SH3KBP1: variants seen among roughly 807,000 people sequenced by gnomAD.
SH3KBP1 encodes the protein SH3 domain containing kinase binding protein 1.
SH3KBP1 carries 8 observed loss-of-function variants against 50.1 expected under a neutral mutation model. The ratio of observed to expected loss-of-function variants is 0.16; its 90% CI spans 0.09 to 0.29. SH3KBP1 has a LOEUF of 0.29. SH3KBP1 is among the 10% of genes least tolerant of loss of function. SH3KBP1 has a pLI of 1.00. For synonymous variants in SH3KBP1, 227 were observed against 218.6 expected (o/e 1.04, Z -0.34); for missense variants, 377 against 535.2 (o/e 0.70, Z 2.92).
rs2064658987 is a variant in SH3KBP1, at chrX:19,534,339, T to C, written c.*2078A>G. On this transcript the variant is annotated 3_prime_UTR_variant, in exon 18 of 18. Coordinates refer to ENST00000397821, the MANE Select transcript of SH3KBP1 (RefSeq NM_031892.3). ...TTATACAAAGGAAGCCAATGGCCTC[T>C]ATGAGGGGGAAGACATCAGCTCTCT... The C allele has an allele frequency of 1.8e-5, 2 of 110,814 alleles. 1 individual carries two copies. Among genetic ancestry groups the C allele is most frequent in the Admixed American group, 1.9e-4 (2 of 10,309 alleles). 9.1% of individuals were successfully genotyped at this position (110,814 alleles called of 1,213,427 possible).
At chrX:19,707,440 T>C (rs2063674396) in intron 3 of SH3KBP1, among the ~76,000 whole-genome samples, 1 of 111,972 alleles carries the variant, frequency 8.9e-6, no homozygotes, top group East Asian at 2.8e-4. Flanking sequence ...CCTGGCCTTT[T>C]TCTTACTAAT....
intron 7 of SH3KBP1, among the ~76,000 whole-genome samples, chrX:19,643,245 C>T (rs780642363): frequency 2.8e-5 from 3 of 108,446 alleles, no homozygotes; most frequent in East Asian, 5.7e-4. Context: ...AGAACAATTA[C>T]CCCAGAATTT....
intron 13 of SH3KBP1, among the ~76,000 whole-genome samples, chrX:19,554,166 ATATATATCATATTAAAATATAATAT>A (rs1555983293): frequency 3.0e-4 from 17 of 55,975 alleles, no homozygotes; most frequent in South Asian, 1.3e-3. Context: ...TTAAAATATA[ATATATATCATATTAAAATATAATAT>A]TATATATCAT....
chrX:19,601,972 C>T (rs1224092087), intron 9 of SH3KBP1, among the ~76,000 whole-genome samples: 1 of 111,078 alleles, frequency 9.0e-6, no homozygotes, highest in Non-Finnish European at 1.9e-5. Context: ...CATCATCTCC[C>T]ATTCAGACTG....
intron 1 of SH3KBP1, among the ~76,000 whole-genome samples, chrX:19,854,594 G>C (rs1483790133): frequency 9.0e-6 from 1 of 111,601 alleles, no homozygotes; most frequent in Non-Finnish European, 1.9e-5. Context: ...GATATTATGG[G>C]TTTGAGGAAG....
At chrX:19,622,251 G>A (rs1170448189) in intron 8 of SH3KBP1, among the ~76,000 whole-genome samples, 1 of 112,036 alleles carries the variant, frequency 8.9e-6, no homozygotes. Flanking sequence ...TTCAAGCTCG[G>A]TAATCATTTT....
chrX:19,832,963 C>T (rs1390729082), intron 2 of SH3KBP1, among the ~76,000 whole-genome samples: 1 of 112,541 alleles, frequency 8.9e-6, no homozygotes, highest in East Asian at 2.8e-4. Context: ...TGAGCAAATT[C>T]CATAGGCTTT....
chrX:19,818,623 T>A (rs372472553), intron 2 of SH3KBP1, among the ~76,000 whole-genome samples: 1 of 111,673 alleles, frequency 9.0e-6, no homozygotes, highest in African/African-American at 3.3e-5. Context: ...AGAGTTTTTA[T>A]CATGAATGGC....
intron 14 of SH3KBP1, among the ~76,000 whole-genome samples, chrX:19,547,155 G>GAA (rs150244509): frequency 2.0e-4 from 20 of 99,592 alleles, no homozygotes; most frequent in African/African-American, 4.8e-4. Context: ...ACCCTGTCTG[G>GAA]AAAAAAAAAA....
chrX:19,673,065 C>CAAAAAAAA (rs1174045446), intron 6 of SH3KBP1, among the ~76,000 whole-genome samples: 3 of 37,326 alleles, frequency 8.0e-5, no homozygotes, highest in Non-Finnish European at 1.5e-4. Flanking sequence ...GATTCTGTCT[C>CAAAAAAAA]AAAAAAAAAA....
intron 2 of SH3KBP1, among the ~76,000 whole-genome samples, chrX:19,818,634 G>A (rs772686973): frequency 9.0e-5 from 10 of 111,434 alleles, no homozygotes; most frequent in South Asian, 3.8e-4. Flanking sequence ...CATGAATGGC[G>A]TTGAATTTTG....
intron 3 of SH3KBP1, 63 bp from the exon 4 acceptor site, chrX:19,707,047 G>A: frequency 2.1e-6 from 2 of 949,531 alleles, no homozygotes; most frequent in Non-Finnish European, 3.0e-6. Context: ...TTTAAAGAGA[G>A]GCTTCCTAGG....
At chrX:19,696,762 G>A (rs1372609048) in intron 4 of SH3KBP1, among the ~76,000 whole-genome samples, 1 of 111,909 alleles carries the variant, frequency 8.9e-6, no homozygotes, top group Non-Finnish European at 1.9e-5. Context: ...AAACAAGCAA[G>A]TATTAAGTTA....
chrX:19,807,532 A>G (rs781572648), intron 2 of SH3KBP1, among the ~76,000 whole-genome samples: 1 of 109,732 alleles, frequency 9.1e-6, no homozygotes, highest in Non-Finnish European at 1.9e-5. Flanking sequence ...CAGCCCACAC[A>G]CTCCACCAGC....
At chrX:19,836,581 A>C (rs2072308620) in intron 1 of SH3KBP1, among the ~76,000 whole-genome samples, 1 of 111,740 alleles carries the variant, frequency 8.9e-6, no homozygotes, top group Non-Finnish European at 1.9e-5. Flanking sequence ...TGCCCCACCC[A>C]GAGGGTGTCC....
At chrX:19,592,891 G>A (rs887934284) in intron 10 of SH3KBP1, among the ~76,000 whole-genome samples, 39 of 112,232 alleles carry the variant, frequency 3.5e-4, no homozygotes, top group Middle Eastern at 4.2e-3. Flanking sequence ...CATCTTCAAA[G>A]TGGATCCTCC....
At chrX:19,628,889 G>C (rs992727882) in intron 8 of SH3KBP1, among the ~76,000 whole-genome samples, 1 of 111,163 alleles carries the variant, frequency 9.0e-6, no homozygotes, top group African/African-American at 3.3e-5. Flanking sequence ...TTGAGGTCAG[G>C]AGTTCAAGAC....
intron 8 of SH3KBP1, among the ~76,000 whole-genome samples, chrX:19,627,170 G>A (rs947306322): frequency 5.3e-5 from 6 of 112,290 alleles, no homozygotes; most frequent in Admixed American, 1.9e-4. Context: ...CTAGGTTAGT[G>A]GGAGCTGTGA....
chrX:19,726,551 G>C (rs999324830), intron 3 of SH3KBP1, among the ~76,000 whole-genome samples: 2 of 111,022 alleles, frequency 1.8e-5, no homozygotes, highest in African/African-American at 6.6e-5. Flanking sequence ...CATGTCATAG[G>C]GGTTTGTTGT....
Sources: gnomAD v4.1 joint callset for allele counts (sites outside exome capture counted in the v4.1 genomes callset) on GRCh38, gnomAD v4.1.1 for gene constraint, MANE v1.5 for transcripts, NCBI Gene and HGNC (gene_info 2026-07-23, HGNC 2026-07-21) for gene names.